Variants in TPX2 observed in about 807,000 individuals in gnomAD.
TPX2 encodes the protein targeting protein for Xklp2.
Under a neutral mutation model 93.6 loss-of-function variants are expected in TPX2, and 21 were observed. The observed-to-expected ratio is 0.22, with a 90% CI of 0.16 to 0.32. The LOEUF is 0.32. Among genes scored for constraint, TPX2 ranks in the 10% least tolerant of loss-of-function variants. The pLI is 1.00. For missense variants in TPX2, 776 were observed against 871.1 expected, an observed-to-expected ratio of 0.89 and a Z score of 1.37; for synonymous variants, 281 against 298.3, an observed-to-expected ratio of 0.94 and a Z score of 0.60.
intron 12 of TPX2, among the ~76,000 whole-genome samples, chr20:31,788,665 G>A (rs2062082275): frequency 6.6e-6 from 1 of 152,068 alleles, no homozygotes; most frequent in Non-Finnish European, 1.5e-5. Flanking sequence ...TTGGGCAGCA[G>A]TGGGCCCAAG....
chr20:31,774,249 C>G (rs1449256032), intron 7 of TPX2, among the ~76,000 whole-genome samples: 1 of 152,160 alleles, frequency 6.6e-6, no homozygotes, highest in Non-Finnish European at 1.5e-5. Flanking sequence ...AATCTTTTTC[C>G]TCTTGTCTGA....
At chr20:31,763,723 T>TTA (rs201937103) in intron 4 of TPX2, among the ~76,000 whole-genome samples, 82 of 107,848 alleles carry the variant, frequency 7.6e-4, no homozygotes, top group African/African-American at 1.7e-3. Flanking sequence ...TAAATTTAAT[T>TTA]TTTTTTTTTT....
intron 12 of TPX2, among the ~76,000 whole-genome samples, chr20:31,791,369 C>T (rs2062100158): frequency 3.9e-5 from 6 of 152,122 alleles, no homozygotes; most frequent in Admixed American, 3.9e-4. Context: ...CTGCAAGCTC[C>T]GCCTCCTGGG....
chr20:31,777,384 A>T, intron 8 of TPX2, 103 bp from the exon 9 acceptor site: 2 of 1,400,512 alleles, frequency 1.4e-6, no homozygotes, highest in Non-Finnish European at 1.9e-6. Flanking sequence ...AAGCAAAGTT[A>T]GATCCATGGT....
At chr20:31,775,157 C>T (rs1284148176) in intron 7 of TPX2, among the ~76,000 whole-genome samples, 1 of 151,952 alleles carries the variant, frequency 6.6e-6, no homozygotes, top group African/African-American at 2.4e-5. Flanking sequence ...TGGGGTTTCA[C>T]CATGTTGGCC....
At position 31,744,323 on chromosome 20, in the gene TPX2, C is replaced by T. The variant is rs566961207; in HGVS notation, c.-71+1676C>T. 7.9e-5 allele frequency among the ~76,000 whole-genome samples: 12 copies of T among 151,496 alleles called. No individual in the cohort carries two copies. The East Asian group carries it at 9.8e-4, about 12-fold the overall frequency. Reference sequence around the variant, plus strand: ...GATTACAGGCACCCGCAACCACACCCGGCTATTTTTGTGTTTTTAGTAGAG... The same window carrying T: ...GATTACAGGCACCCGCAACCACACCTGGCTATTTTTGTGTTTTTAGTAGAG... On this transcript the variant is annotated intron_variant, in intron 2 of 17. Transcript: ENST00000300403.
Position 31,800,029 on chromosome 20 carries a change from G to A in TPX2, c.2134-941G>A, listed in dbSNP as rs566796162. Among the ~76,000 whole-genome samples, 10 of 152,160 alleles carry A rather than the reference G, an allele frequency of 6.6e-5. No individual in the cohort carries two copies. In the East Asian group the frequency reaches 1.2e-3, roughly 18 times the overall value. ...TGGGAGGCCAAGGTGGGAGGATTGC[G>A]TGAGCCCAGGAGTTCAAGAAAAGCG... On this transcript the variant is annotated intron_variant, in intron 17 of 17. Coordinates refer to ENST00000300403, the MANE Select transcript of TPX2 (RefSeq NM_012112.5).
At chr20:31,750,180 G>A (rs899175680) in intron 2 of TPX2, among the ~76,000 whole-genome samples, 1 of 149,150 alleles carries the variant, frequency 6.7e-6, no homozygotes, top group African/African-American at 2.5e-5. Context: ...TTTTTGAGAC[G>A]GAGTTTCGCT....
At chr20:31,774,209 C>G (rs925911513) in intron 7 of TPX2, among the ~76,000 whole-genome samples, 3 of 152,148 alleles carry the variant, frequency 2.0e-5, no homozygotes, top group African/African-American at 7.2e-5. Context: ...CTAATGATAT[C>G]CTCCACCCTG....
At chr20:31,769,694 A>T (rs1411348911) in intron 5 of TPX2, among the ~76,000 whole-genome samples, 1 of 152,060 alleles carries the variant, frequency 6.6e-6, no homozygotes, top group Non-Finnish European at 1.5e-5. Context: ...CTAGGTGGTG[A>T]TTTCATAAGG....
In TPX2 at chr20:31,777,641, A is replaced by G; in HGVS notation, c.882+3A>G. ...TACGAAAGCATCCTTCATCTCCTGT[A>G]AGTTGATGGACTAAATGAACATTTC... is the stretch of plus-strand genomic sequence containing the variant. On this transcript the variant is annotated splice_donor_region_variant and intron_variant, in intron 9 of 17. Transcript: ENST00000300403. 1 of 1,611,934 alleles carries G rather than the reference A, an allele frequency of 6.2e-7. No homozygotes were observed.
intron 2 of TPX2, among the ~76,000 whole-genome samples, chr20:31,745,290 C>T (rs560137035): frequency 6.6e-6 from 1 of 151,170 alleles, no homozygotes; most frequent in South Asian, 2.1e-4. Flanking sequence ...TTCCTCCAGC[C>T]TTGTTACTTC....
intron 2 of TPX2, among the ~76,000 whole-genome samples, chr20:31,746,146 T>C (rs992921796): frequency 1.3e-5 from 2 of 152,238 alleles, no homozygotes; most frequent in Admixed American, 1.3e-4. Flanking sequence ...GACCCAATTT[T>C]GGAAGCTTCA....
chr20:31,782,518 G>T (rs1328474437), intron 11 of TPX2, 128 bp downstream of exon 11: 2 of 1,160,046 alleles, frequency 1.7e-6, no homozygotes, highest in African/African-American at 3.1e-5. Context: ...AGTAGGCTCT[G>T]CAGGCTACGC....
chr20:31,798,236 C>G (rs1197381408), intron 16 of TPX2, 129 bp from the exon 17 acceptor site: 2 of 1,159,410 alleles, frequency 1.7e-6, no homozygotes, highest in Non-Finnish European at 2.5e-6. Flanking sequence ...TACCTTTCTC[C>G]CAATGGGGCT....
intron 3 of TPX2, among the ~76,000 whole-genome samples, 200 bp downstream of exon 3, chr20:31,757,782 T>C (rs1335841687): frequency 1.3e-5 from 2 of 152,212 alleles, no homozygotes; most frequent in African/African-American, 4.8e-5. Flanking sequence ...ACAAAGCATA[T>C]GTTGTTTTGT....
At chr20:31,794,143 C>G (rs1374709391) in intron 14 of TPX2, 119 bp downstream of exon 14, 1 of 1,184,260 alleles carries the variant, frequency 8.4e-7, no homozygotes, top group African/African-American at 1.6e-5. Context: ...TCTAAGAACC[C>G]TATAAAATAT....
chr20:31,777,378 A>C (rs1220244713), intron 8 of TPX2, 109 bp from the exon 9 acceptor site: 1 of 1,373,614 alleles, frequency 7.3e-7, no homozygotes, highest in Non-Finnish European at 9.8e-7. Context: ...GATAGTAAGC[A>C]AAGTTAGATC....
chr20:31,774,892 A>G (rs887347830), intron 7 of TPX2, among the ~76,000 whole-genome samples: 2 of 152,118 alleles, frequency 1.3e-5, no homozygotes, highest in Non-Finnish European at 2.9e-5. Flanking sequence ...AGGGCATGCC[A>G]TTGCACTAGG....
Sources: gnomAD v4.1 joint callset for allele counts (sites outside exome capture counted in the v4.1 genomes callset) on GRCh38, gnomAD v4.1.1 for gene constraint, MANE v1.5 for transcripts, NCBI Gene and HGNC (gene_info 2026-07-23, HGNC 2026-07-21) for gene names.